Variants in SULF1 observed in about 807,000 individuals in gnomAD.
The protein encoded by SULF1 is sulfatase 1.
SULF1 carries 46 observed loss-of-function variants against 110.5 expected under a neutral mutation model. The ratio of observed to expected loss-of-function variants is 0.42; its 90% CI spans 0.33 to 0.53. The LOEUF is 0.53. Ranked by LOEUF, SULF1 falls within the 20% of genes least tolerant of loss-of-function variation. SULF1 has a pLI of 0.12. For missense variants in SULF1, 941 were observed against 1,094.2 expected (o/e 0.86, Z 1.98); for synonymous variants, 371 against 387.1 (o/e 0.96, Z 0.49).
In SULF1 at chr8:69,649,972, C is replaced by CTTTTTTTTTTTT. The variant is rs536073966; in HGVS notation, c.2586-8507_2586-8496dup. Among the ~76,000 whole-genome samples the CTTTTTTTTTTTT allele has an allele frequency of 7.8e-4, 24 of 30,588 alleles. 10 individuals carry two copies. The highest frequency in any genetic ancestry group is 1.1e-3 in the Non-Finnish European group (16 of 15,148). 20.1% of individuals were successfully genotyped at this position (30,588 alleles called of 152,430 possible). ...CCCACTCTGTAATTCCTCCTGCTTG[C>CTTTTTTTTTTTT]TTTTTTTTTTTTTTTTTTTTTTTTT... On this transcript the variant is annotated intron_variant, in intron 22 of 22. Transcript: ENST00000402687.
intron 22 of SULF1, among the ~76,000 whole-genome samples, chr8:69,653,359 A>T (rs372022920): frequency 6.6e-6 from 1 of 152,132 alleles, no homozygotes. Flanking sequence ...CATGAGCCAC[A>T]TCTCTTGTGT....
At chr8:69,596,886 A>C (rs933556636) in intron 8 of SULF1, among the ~76,000 whole-genome samples, 7 of 152,222 alleles carry the variant, frequency 4.6e-5, no homozygotes, top group Non-Finnish European at 8.8e-5. Flanking sequence ...CTAGAGCCAC[A>C]GAAATCTCTT....
intron 3 of SULF1, among the ~76,000 whole-genome samples, chr8:69,539,417 T>C (rs1813707659): frequency 6.6e-6 from 1 of 152,242 alleles, no homozygotes; most frequent in Non-Finnish European, 1.5e-5. Flanking sequence ...TATACTATGA[T>C]GTGCAAATAT....
chr8:69,471,998 T>TGTGAGAGA, intron 1 of SULF1, among the ~76,000 whole-genome samples: 1 of 149,280 alleles, frequency 6.7e-6, no homozygotes, highest in Middle Eastern at 3.4e-3. Context: ...GGAGAGAAAG[T>TGTGAGAGA]GAGAGAGAGA....
chr8:69,531,896 G>A (rs1157198057), intron 3 of SULF1, among the ~76,000 whole-genome samples: 1 of 152,040 alleles, frequency 6.6e-6, no homozygotes, highest in Non-Finnish European at 1.5e-5. Flanking sequence ...TTACATACGC[G>A]GCCACCCCTC....
chr8:69,641,434 A>G lies in SULF1; in HGVS notation c.2585+593A>G, dbSNP rs764623219. On this transcript the variant is annotated intron_variant, in intron 22 of 22. Coordinates refer to ENST00000402687, the MANE Select transcript of SULF1 (RefSeq NM_001128205.2). ...CGAGAAGGTGCTGGGAGTTGGGGAC[A>G]GAGTACCGGGAGTCAAGATACTAGT... 8.5e-4 allele frequency among the ~76,000 whole-genome samples: 129 copies of G among 152,288 alleles called. 2 individuals carry two copies. The highest frequency in any genetic ancestry group is 6.2e-4 in the Non-Finnish European group (42 of 68,026).
chr8:69,600,501 T>C (rs1294736864), intron 8 of SULF1, 102 bp from the exon 9 acceptor site: 3 of 1,148,210 alleles, frequency 2.6e-6, no homozygotes, highest in African/African-American at 3.1e-5. Flanking sequence ...TTTAGCAGTG[T>C]CTCAATTATC....
chr8:69,621,655 A>G (rs1748168249), intron 14 of SULF1, among the ~76,000 whole-genome samples: 2 of 152,238 alleles, frequency 1.3e-5, no homozygotes, highest in African/African-American at 4.8e-5. Flanking sequence ...GTATGCATTT[A>G]ATTTTAAGAG....
intron 3 of SULF1, among the ~76,000 whole-genome samples, chr8:69,533,093 T>C (rs899539937): frequency 2.0e-5 from 3 of 152,208 alleles, no homozygotes; most frequent in African/African-American, 4.8e-5. Flanking sequence ...TGCTCACTTT[T>C]GTGCAAAAGC....
chr8:69,528,757 GA>G (rs1812870693), intron 3 of SULF1, among the ~76,000 whole-genome samples: 1 of 152,162 alleles, frequency 6.6e-6, no homozygotes, highest in Non-Finnish European at 1.5e-5. Context: ...TCAAAGCAGG[GA>G]AGAAAGCAGG....
intron 8 of SULF1, 38 bp downstream of exon 8, chr8:69,589,179 G>GC: frequency 6.3e-7 from 1 of 1,592,306 alleles, no homozygotes; most frequent in Non-Finnish European, 8.6e-7. Context: ...TGCCGAACAT[G>GC]CCTTTCCCTT....
At chr8:69,651,008 C>G (rs970540823) in intron 22 of SULF1, among the ~76,000 whole-genome samples, 6 of 151,538 alleles carry the variant, frequency 4.0e-5, no homozygotes, top group African/African-American at 1.5e-4. Context: ...ATGGATAGAG[C>G]TAAGAGACAC....
At chr8:69,596,876 C>G (rs923439398) in intron 8 of SULF1, among the ~76,000 whole-genome samples, 1 of 152,136 alleles carries the variant, frequency 6.6e-6, no homozygotes, top group African/African-American at 2.4e-5. Flanking sequence ...AATTTGCTCT[C>G]TAGAGCCACA....
Position 69,506,235 on chromosome 8 carries a change from TACAC to T in SULF1, c.-134+4289_-134+4292del, listed in dbSNP as rs10656748. Reference sequence around the variant, plus strand: ...TTTATAAGAGAGATAACACTAAACATACACACACACACACACACACACACAATCA... The same window carrying T: ...TTTATAAGAGAGATAACACTAAACATACACACACACACACACACACAATCA... On this transcript the variant is annotated intron_variant, in intron 3 of 22. Coordinates refer to ENST00000402687, the MANE Select transcript of SULF1 (RefSeq NM_001128205.2). Among the ~76,000 whole-genome samples the T allele has an allele frequency of 7.6e-4, 114 of 149,906 alleles. 3 individuals are homozygous for T. The highest frequency in any genetic ancestry group is 2.3e-3 in the African/African-American group (96 of 40,858).
intron 22 of SULF1, among the ~76,000 whole-genome samples, chr8:69,643,820 T>C (rs1811670340): frequency 6.6e-6 from 1 of 152,236 alleles, no homozygotes; most frequent in South Asian, 2.1e-4. Context: ...GTGGCACTCA[T>C]GACTCAGGAA....
intron 12 of SULF1, 98 bp from the exon 13 acceptor site, chr8:69,604,705 G>A (rs4737998): frequency 6.9e-7 from 1 of 1,459,592 alleles, no homozygotes; most frequent in Non-Finnish European, 9.4e-7. Context: ...TAAAGAATGT[G>A]GAGTCATGTG....
chr8:69,579,546 C>A (rs1250731518), intron 6 of SULF1, among the ~76,000 whole-genome samples: 2 of 130,630 alleles, frequency 1.5e-5, no homozygotes, highest in East Asian at 4.2e-4. Flanking sequence ...AAGACTCTGT[C>A]ACACACACAC....
chr8:69,606,003 C>A (rs945888644), intron 13 of SULF1, among the ~76,000 whole-genome samples: 1 of 152,142 alleles, frequency 6.6e-6, no homozygotes, highest in African/African-American at 2.4e-5. Context: ...TCTTTTTTAA[C>A]TTAACTGACC....
At chr8:69,473,384 A>C (rs1409769370) in intron 1 of SULF1, 2 of 152,224 alleles carry the variant, frequency 1.3e-5, no homozygotes, top group Non-Finnish European at 2.9e-5. Flanking sequence ...GTGTTTCTCA[A>C]TCAAAAGTTT....
Sources: allele counts gnomAD v4.1 joint callset (sites outside exome capture counted in the v4.1 genomes callset), GRCh38; gene constraint gnomAD v4.1.1; transcripts MANE v1.5; gene names NCBI Gene and HGNC (gene_info 2026-07-23, HGNC 2026-07-21).